Variants in PSD3 observed in about 807,000 individuals in gnomAD.
PSD3 encodes PH and SEC7 domain-containing protein 3.
In PSD3, 49 loss-of-function variants were observed where a neutral mutation model predicts 105.5. The ratio of observed to expected loss-of-function variants is 0.46; its 90% confidence interval spans 0.37 to 0.59. PSD3 has a LOEUF of 0.59. PSD3 is among the 20% of genes least tolerant of loss of function. The probability of loss-of-function intolerance (pLI) is 0.00; values close to 1 mark genes in which losing one functional copy is unlikely to be tolerated. For synonymous variants in PSD3, 557 were observed against 457.8 expected, an observed-to-expected ratio of 1.22 and a Z score of -2.77; for missense variants, 1,561 against 1,263.8, an observed-to-expected ratio of 1.24 and a Z score of -3.57.
At chr8:19,016,392 A>G (rs1198720662), upstream of PSD3, among the ~76,000 whole-genome samples, 1 of 152,366 alleles carries the variant, frequency 6.6e-6, no homozygotes, top group East Asian at 1.9e-4. Flanking sequence ...ATGAAATTCC[A>G]TCATGTATTA....
intron 4 of PSD3, among the ~76,000 whole-genome samples, chr8:18,841,548 G>A (rs1814628414): frequency 6.6e-6 from 1 of 152,026 alleles, no homozygotes; most frequent in Non-Finnish European, 1.5e-5. Context: ...GGCTCTCTAG[G>A]TCTCATGTGG....
At chr8:18,874,244 C>T (rs1028073251) in intron 2 of PSD3, among the ~76,000 whole-genome samples, 1 of 151,738 alleles carries the variant, frequency 6.6e-6, no homozygotes, top group African/African-American at 2.4e-5. Flanking sequence ...TCACTGCAAC[C>T]TCTACCTCCC....
chr8:18,797,063 C>A (rs1810249873), intron 8 of PSD3, among the ~76,000 whole-genome samples: 2 of 151,986 alleles, frequency 1.3e-5, no homozygotes, highest in South Asian at 2.1e-4. Context: ...AAACTTACCA[C>A]CTAGAAGAAT....
At chr8:18,651,974 C>T (rs1808515799) in intron 10 of PSD3, among the ~76,000 whole-genome samples, 1 of 152,110 alleles carries the variant, frequency 6.6e-6, no homozygotes, top group African/African-American at 2.4e-5. Context: ...AGGAGGCAAA[C>T]ACTATAAATG....
At chr8:18,673,861 G>A (rs577583200) in intron 9 of PSD3, among the ~76,000 whole-genome samples, 1 of 150,368 alleles carries the variant, frequency 6.7e-6, no homozygotes. Flanking sequence ...AGGGCGGGCA[G>A]GGGGGCATGC....
chr8:18,807,824 G>A lies in PSD3; in HGVS notation c.1635-2926C>T, dbSNP rs550426451. On this transcript the variant is annotated intron_variant, in intron 4 of 15. Transcript: ENST00000327040. Reference sequence around the variant, plus strand: ...TTCCTTTATAGACTTAACATTACATGGCTGGGTGTGGTGGCTGAAACCTGT... The same window carrying A: ...TTCCTTTATAGACTTAACATTACATAGCTGGGTGTGGTGGCTGAAACCTGT... Among the ~76,000 whole-genome samples, 78 of 152,178 alleles carry A rather than the reference G, an allele frequency of 5.1e-4. 1 individual carries two copies. Among genetic ancestry groups the A allele is most frequent in the African/African-American group, 1.8e-3 (75 of 41,526 alleles).
chr8:18,837,066 G>A (rs1046137452), intron 4 of PSD3, among the ~76,000 whole-genome samples: 36 of 152,044 alleles, frequency 2.4e-4, no homozygotes, highest in Non-Finnish European at 4.4e-4. Flanking sequence ...AAGGGACTGA[G>A]CTAGGAGCCT....
chr8:19,078,711 C>CA (rs1829540816), intron 1 of PSD3, among the ~76,000 whole-genome samples: 1 of 151,826 alleles, frequency 6.6e-6, no homozygotes, highest in African/African-American at 2.4e-5. Flanking sequence ...CACATCAGAG[C>CA]AAAAAGTCTC....
intron 1 of PSD3, among the ~76,000 whole-genome samples, chr8:19,028,681 T>G (rs1260408296): frequency 6.6e-6 from 1 of 152,168 alleles, no homozygotes; most frequent in East Asian, 1.9e-4. Context: ...AACAAATGTT[T>G]TAAATTTAAA....
chr8:18,753,570 A>C (rs765500167), intron 9 of PSD3, among the ~76,000 whole-genome samples: 1 of 152,178 alleles, frequency 6.6e-6, no homozygotes, highest in Non-Finnish European at 1.5e-5. Context: ...AGTAAATGTT[A>C]AAACAATTAA....
chr8:18,558,291 G>A (rs1168779389), intron 14 of PSD3, among the ~76,000 whole-genome samples: 1 of 152,126 alleles, frequency 6.6e-6, no homozygotes, highest in East Asian at 1.9e-4. Flanking sequence ...CTTGACAAAT[G>A]ATATTTAGTG....
intron 8 of PSD3, among the ~76,000 whole-genome samples, chr8:18,798,859 A>C (rs1347243856): frequency 6.9e-6 from 1 of 145,910 alleles, no homozygotes; most frequent in African/African-American, 2.5e-5. Flanking sequence ...TTCAACTAGT[A>C]AAAGACTAGA....
At chr8:18,542,539 A>C (rs1251434902) in intron 15 of PSD3, among the ~76,000 whole-genome samples, 4 of 152,216 alleles carry the variant, frequency 2.6e-5, no homozygotes, top group African/African-American at 9.6e-5. Context: ...AAACAGCAAC[A>C]ATATGTTTTA....
At chr8:18,736,916 T>C (rs1365148182) in intron 9 of PSD3, among the ~76,000 whole-genome samples, 1 of 152,202 alleles carries the variant, frequency 6.6e-6, no homozygotes, top group Non-Finnish European at 1.5e-5. Context: ...AATGCTAACA[T>C]TAAAAACAAA....
At chr8:18,988,217 T>C (rs920714493) in intron 1 of PSD3, among the ~76,000 whole-genome samples, 1 of 152,110 alleles carries the variant, frequency 6.6e-6, no homozygotes, top group Non-Finnish European at 1.5e-5. Context: ...ACATAAAACA[T>C]GTGAGTCCTT....
At chr8:18,824,120 G>A (rs906630004) in intron 4 of PSD3, among the ~76,000 whole-genome samples, 1 of 152,112 alleles carries the variant, frequency 6.6e-6, no homozygotes, top group South Asian at 2.1e-4. Flanking sequence ...CTACAATCAG[G>A]TATGATCATG....
chr8:18,700,169 T>G (rs1047283753), intron 9 of PSD3, among the ~76,000 whole-genome samples: 51 of 152,272 alleles, frequency 3.3e-4, no homozygotes, highest in African/African-American at 1.2e-3. Context: ...GTATTAACAT[T>G]AAAGATAATA....
chr8:18,882,788 T>C (rs1172208332), intron 2 of PSD3, among the ~76,000 whole-genome samples: 1 of 151,720 alleles, frequency 6.6e-6, no homozygotes, highest in African/African-American at 2.4e-5. Flanking sequence ...CCTACCATAC[T>C]CCACTATACA....
At chr8:19,057,331 T>C (rs1338718980) in intron 1 of PSD3, among the ~76,000 whole-genome samples, 2 of 152,172 alleles carry the variant, frequency 1.3e-5, no homozygotes, top group East Asian at 3.9e-4. Flanking sequence ...CCCCCATCTT[T>C]CCATGGAAGT....
Sources: gnomAD v4.1 joint callset for allele counts (sites outside exome capture counted in the v4.1 genomes callset) on GRCh38, gnomAD v4.1.1 for gene constraint, MANE v1.5 for transcripts, NCBI Gene and HGNC (gene_info 2026-07-23, HGNC 2026-07-21) for gene names.